Variants in ZNF286A observed in about 807,000 individuals in gnomAD.
ZNF286A encodes zinc finger protein 286A, also known as zinc finger protein ZNF286.
A neutral mutation model predicts 49.3 loss-of-function variants in ZNF286A; 34 were observed. That is an observed-to-expected ratio of 0.69 (90% CI 0.52 to 0.92). The LOEUF (loss-of-function observed/expected upper bound fraction) is 0.92, where lower values mean the gene tolerates loss of function less well. Ranked by LOEUF, ZNF286A falls within the 40% of genes least tolerant of loss-of-function variation. The probability of loss-of-function intolerance (pLI) is 0.00; values close to 1 mark genes in which losing one functional copy is unlikely to be tolerated. For missense variants in ZNF286A, 462 were observed against 600.2 expected (o/e 0.77, Z 2.41); for synonymous variants, 155 against 200.4 (o/e 0.77, Z 1.91).
intron 3 of ZNF286A, among the ~76,000 whole-genome samples, chr17:15,705,102 T>TGC (rs1990129796): frequency 6.6e-6 from 1 of 152,142 alleles, no homozygotes; most frequent in Non-Finnish European, 1.5e-5. Context: ...CTTAATTCTC[T>TGC]TATTTCTTAA....
intron 5 of ZNF286A, among the ~76,000 whole-genome samples, chr17:15,712,973 A>T (rs1234148816): frequency 2.6e-5 from 4 of 152,162 alleles, no homozygotes; most frequent in Non-Finnish European, 5.9e-5. Flanking sequence ...GCATCAGAGG[A>T]CCTACTGTAA....
At chr17:15,707,592 G>T (rs1182222212) in intron 4 of ZNF286A, among the ~76,000 whole-genome samples, 1 of 152,128 alleles carries the variant, frequency 6.6e-6, no homozygotes, top group Non-Finnish European at 1.5e-5. Context: ...GGACTAATTT[G>T]CAACATCTCT....
intron 5 of ZNF286A, among the ~76,000 whole-genome samples, chr17:15,712,082 C>A (rs533925585): frequency 2.0e-5 from 3 of 152,142 alleles, no homozygotes; most frequent in Non-Finnish European, 4.4e-5. Context: ...CCGTGTTAGC[C>A]GGGATGATCT....
chr17:15,710,168 A>C (rs1400072298), intron 5 of ZNF286A, among the ~76,000 whole-genome samples: 2 of 152,128 alleles, frequency 1.3e-5, no homozygotes, highest in Non-Finnish European at 2.9e-5. Flanking sequence ...TATTTTAGGT[A>C]CTAATCTATG....
intron 3 of ZNF286A, chr17:15,704,353 C>T (rs1197635804): frequency 1.2e-6 from 2 of 1,610,780 alleles, no homozygotes; most frequent in South Asian, 1.1e-5. Flanking sequence ...CCCTGGGGCC[C>T]CAGGGTCGGT....
rs1288295586 is a variant in ZNF286A at position 15,719,408 on chromosome 17, A to T, written c.*2118A>T. 1.4e-5 allele frequency: 2 copies of T among 147,426 alleles called. No individual in the cohort carries two copies. The highest frequency in any genetic ancestry group is 5.1e-5 in the African/African-American group (2 of 39,300). The allele number at this position is 147,426 out of a possible 1,614,324, so 9.1% of individuals were successfully genotyped here. On this transcript the variant is annotated 3_prime_UTR_variant, in exon 6 of 6. Transcript: ENST00000583566. ...GCGGAGGTTGTGCCTCTGGGCTTTAATATCACAAACAGAGCAGCTTATAAG... is the reference window on the plus strand; with the variant it reads ...GCGGAGGTTGTGCCTCTGGGCTTTATTATCACAAACAGAGCAGCTTATAAG...
chr17:15,715,309 G>A (rs3865264), intron 5 of ZNF286A, among the ~76,000 whole-genome samples: 1 of 151,170 alleles, frequency 6.6e-6, no homozygotes, highest in Non-Finnish European at 1.5e-5. Flanking sequence ...CTTATTTATA[G>A]CTTGCTTTTT....
chr17:15,707,153 T>G (rs1001449962), intron 4 of ZNF286A, among the ~76,000 whole-genome samples: 1 of 151,698 alleles, frequency 6.6e-6, no homozygotes, highest in Non-Finnish European at 1.5e-5. Flanking sequence ...AGAAAGTGAC[T>G]TCTGAGGCCG....
rs1185455974 is a variant in ZNF286A at position 15,719,849 on chromosome 17, G to T, written c.*2559G>T. Reference sequence around the variant, plus strand: ...GGTTTAAACCAGTCAGAGAAACTAGGTGGAATGGAAAAGTACTGAGAGATA... The same window carrying T: ...GGTTTAAACCAGTCAGAGAAACTAGTTGGAATGGAAAAGTACTGAGAGATA... On this transcript the variant is annotated 3_prime_UTR_variant, in exon 6 of 6. Transcript: ENST00000583566. 2 of 152,198 alleles carry T rather than the reference G, an allele frequency of 1.3e-5. No individual in the cohort carries two copies. The highest frequency in any genetic ancestry group is 4.8e-5 in the African/African-American group (2 of 41,448). 9.4% of individuals were successfully genotyped at this position (152,198 alleles called of 1,614,324 possible).
chr17:15,711,101 A>G (rs1990613069), intron 5 of ZNF286A, among the ~76,000 whole-genome samples: 1 of 151,804 alleles, frequency 6.6e-6, no homozygotes, highest in African/African-American at 2.4e-5. Flanking sequence ...TTTAGTAGAG[A>G]TGAGGTTTCA....
chr17:15,709,903 C>T, intron 5 of ZNF286A: 1 of 1,536,282 alleles, frequency 6.5e-7, no homozygotes, highest in Non-Finnish European at 8.8e-7. Context: ...ATTAGTAGGT[C>T]TTAAATCATC....
intron 1 of ZNF286A, 137 bp downstream of exon 1, chr17:15,699,914 C>G (rs943736564): frequency 2.9e-6 from 2 of 679,232 alleles, no homozygotes; most frequent in Admixed American, 4.1e-5. Flanking sequence ...CCTGTCCCTT[C>G]TCACTCTGGC....
At position 15,719,824 on chromosome 17, in the gene ZNF286A, G is replaced by C. The variant is rs1967284826; in HGVS notation, c.*2534G>C. Reference sequence around the variant, plus strand: ...AGAGCATTCATCAAGTCAGATAAAGGGTTTAAACCAGTCAGAGAAACTAGG... The same window carrying C: ...AGAGCATTCATCAAGTCAGATAAAGCGTTTAAACCAGTCAGAGAAACTAGG... On this transcript the variant is annotated 3_prime_UTR_variant, in exon 6 of 6. Transcript: ENST00000583566. 6.6e-6 allele frequency: 1 copy of C among 152,116 alleles called. No individual in the cohort carries two copies. The highest frequency in any genetic ancestry group is 2.1e-4 in the South Asian group (1 of 4,826). 9.4% of individuals were successfully genotyped at this position (152,116 alleles called of 1,614,324 possible).
At position 15,708,184 on chromosome 17, in the gene ZNF286A, A is replaced by C; in HGVS notation, c.271A>C (p.Asn91His). Residue 91 changes from asparagine to histidine, a missense_variant, in exon 5 of 6, where the codon AAC (asparagine) becomes CAC (histidine). Physicochemically the swap from Asn to His is moderately conservative, Grantham distance 68. Transcript: ENST00000583566. The stretch of plus-strand genomic sequence containing the variant: ...TCCAGTTTCCAAACCTGAGAGCTAC[A>C]ACTTGGAGAATGGAAAAGAACCATT... ...WLPVSKPESY[N>H]LENGKEPLKL... is the part of the protein sequence containing the mutation. 1 of 1,598,590 alleles carries C rather than the reference A, an allele frequency of 6.3e-7. No individual in the cohort carries two copies. The highest frequency in any genetic ancestry group is 8.5e-7 in the Non-Finnish European group (1 of 1,173,056).
At chr17:15,702,343 C>G (rs552982212) in intron 3 of ZNF286A, among the ~76,000 whole-genome samples, 1 of 151,830 alleles carries the variant, frequency 6.6e-6, no homozygotes, top group Non-Finnish European at 1.5e-5. Flanking sequence ...GGTGAAACCT[C>G]GTCTTTACTT....
chr17:15,711,316 G>GTATATTCTT (rs1246119505), intron 5 of ZNF286A: 1 of 152,096 alleles, frequency 6.6e-6, no homozygotes, highest in Non-Finnish European at 1.5e-5. Context: ...CTGTTTACTA[G>GTATATTCTT]TATATTCTTT....
At chr17:15,708,042 T>C in intron 4 of ZNF286A, 113 bp from the exon 5 acceptor site, 1 of 555,416 alleles carries the variant, frequency 1.8e-6, no homozygotes, top group Non-Finnish European at 2.8e-6. Context: ...AGAAAGAAAG[T>C]TGGAATTCAC....
chr17:15,714,705 T>G (rs1966937313), intron 5 of ZNF286A, among the ~76,000 whole-genome samples: 1 of 152,158 alleles, frequency 6.6e-6, no homozygotes, highest in African/African-American at 2.4e-5. Flanking sequence ...TTAGATTAAA[T>G]TTTCTCTTCC....
intron 5 of ZNF286A, among the ~76,000 whole-genome samples, chr17:15,710,547 G>A (rs1259228816): frequency 1.3e-5 from 2 of 152,030 alleles, no homozygotes; most frequent in African/African-American, 4.8e-5. Context: ...TCTATTTCTT[G>A]TCTCTCTGGT....
Sources: gnomAD v4.1 joint callset for allele counts (sites outside exome capture counted in the v4.1 genomes callset) on GRCh38, gnomAD v4.1.1 for gene constraint, MANE v1.5 for transcripts, NCBI Gene and HGNC (gene_info 2026-07-23, HGNC 2026-07-21) for gene names.